SERPINE2: variants seen among roughly 807,000 people sequenced by gnomAD.
SERPINE2 encodes the protein serpin family E member 2, also known as glia-derived nexin.
Under a neutral mutation model 36.3 loss-of-function variants are expected in SERPINE2, and 14 were observed. The ratio of observed to expected loss-of-function variants is 0.39; its 90% confidence interval spans 0.25 to 0.60. The LOEUF (loss-of-function observed/expected upper bound fraction) is 0.60, where lower values mean the gene tolerates loss of function less well. Ranked by LOEUF, SERPINE2 falls within the 20% of genes least tolerant of loss-of-function variation. SERPINE2 has a pLI of 0.57. For missense variants in SERPINE2, 418 were observed against 499.6 expected, an observed-to-expected ratio of 0.84 and a Z score of 1.56; for synonymous variants, 192 against 191.8, an observed-to-expected ratio of 1.00 and a Z score of -0.01.
At chr2:223,983,094 A>C (rs760319874) in intron 5 of SERPINE2, among the ~76,000 whole-genome samples, 4 of 152,170 alleles carry the variant, frequency 2.6e-5, no homozygotes, top group Admixed American at 6.5e-5. Context: ...ACTGACGTGG[A>C]GGTTGAGTGT....
chr2:224,030,770 T>C (rs756024510), intron 1 of SERPINE2: 7 of 164,852 alleles, frequency 4.2e-5, no homozygotes, highest in Non-Finnish European at 8.8e-5. Flanking sequence ...ATTAGGCATG[T>C]TTGAAAAGTC....
chr2:223,990,389 T>C (rs1690616311), intron 4 of SERPINE2, among the ~76,000 whole-genome samples: 1 of 152,220 alleles, frequency 6.6e-6, no homozygotes. Context: ...TACCCTGACA[T>C]GTAACTCTCT....
chr2:224,033,792 A>C (rs1435246760), intron 1 of SERPINE2, among the ~76,000 whole-genome samples: 1 of 152,234 alleles, frequency 6.6e-6, no homozygotes, highest in East Asian at 1.9e-4. Context: ...ACAGACCTCA[A>C]GGAGGGCAGA....
In SERPINE2 at chr2:223,991,834, T is replaced by G; in HGVS notation, c.654A>C (p.Pro218=). The G allele has an allele frequency of 3.1e-6, 5 of 1,613,992 alleles. No individual in the cohort carries two copies. Among genetic ancestry groups the G allele is most frequent in the Non-Finnish European group, 4.2e-6 (5 of 1,179,998 alleles). The stretch of plus-strand genomic sequence containing the variant: ...GGAACACGGAGAGCTGGGCCAGCAT[T>G]GGCACTTGATAGGATTTCCCGTCGG... ...VAADGKSYQV[P]MLAQLSVFRC... is the part of the protein sequence containing the mutation. The change falls in exon 4 of 9, where the codon CCA becomes CCC. Residue 218 remains proline (P), a synonymous_variant. Coordinates refer to ENST00000409304, the MANE Select transcript of SERPINE2 (RefSeq NM_001136528.2).
At chr2:224,011,197 G>A (rs1359270122) in intron 1 of SERPINE2, among the ~76,000 whole-genome samples, 3 of 152,136 alleles carry the variant, frequency 2.0e-5, no homozygotes, top group Non-Finnish European at 4.4e-5. Context: ...GGTCCAAATG[G>A]CTGATTTCCT....
chr2:224,003,418 A>T (rs377113157), intron 1 of SERPINE2, among the ~76,000 whole-genome samples: 3 of 152,356 alleles, frequency 2.0e-5, no homozygotes, highest in South Asian at 4.1e-4. Context: ...TATAACCACA[A>T]GCGCTTGATT....
At chr2:224,033,654 T>C (rs1237590960) in intron 1 of SERPINE2, among the ~76,000 whole-genome samples, 1 of 124,640 alleles carries the variant, frequency 8.0e-6, no homozygotes, top group African/African-American at 2.8e-5. Context: ...GCCAAAAAAG[T>C]TCCATGGCAA....
In SERPINE2 at chr2:224,039,099, C is replaced by T. The variant is rs548944153; in HGVS notation, c.-23G>A. On this transcript the variant is annotated splice_region_variant and 5_prime_UTR_variant, in exon 1 of 9. Coordinates refer to ENST00000409304, the MANE Select transcript of SERPINE2 (RefSeq NM_001136528.2). The surrounding 1 kb of genome is among the most constrained non-coding windows in gnomAD (Gnocchi z 5.2). ...GACTCACCGCGCAGCCTGTACTCAC[C>T]GCGCTCGCTGGATCCCCAGGGGGCG... 1 of 151,144 alleles carries T rather than the reference C, an allele frequency of 6.6e-6. No individual in the cohort carries two copies. The highest frequency in any genetic ancestry group is 2.1e-4 in the South Asian group (1 of 4,824). 9.4% of individuals were successfully genotyped at this position (151,144 alleles called of 1,614,324 possible).
intron 1 of SERPINE2, among the ~76,000 whole-genome samples, chr2:224,021,250 G>A (rs1361212422): frequency 6.6e-6 from 1 of 152,150 alleles, no homozygotes; most frequent in Non-Finnish European, 1.5e-5. Context: ...GGTGAAGAAA[G>A]AAAGGGTGCC....
chr2:223,980,462 A>T, intron 6 of SERPINE2, 65 bp from the exon 7 acceptor site: 1 of 1,393,946 alleles, frequency 7.2e-7, no homozygotes, highest in Non-Finnish European at 1.0e-6. Flanking sequence ...TTGGTTGGGG[A>T]AGTAACCTCA....
At chr2:224,028,216 C>T (rs1418828032) in intron 1 of SERPINE2, among the ~76,000 whole-genome samples, 3 of 152,174 alleles carry the variant, frequency 2.0e-5, no homozygotes, top group Non-Finnish European at 2.9e-5. Context: ...CACAGCCCTG[C>T]CTTTGCCAAG....
At position 223,984,765 on chromosome 2, in the gene SERPINE2, C is replaced by G; in HGVS notation, c.871G>C (p.Val291Leu). ...GGGGCCACTTACTTGGGCAGGATCA[C>G]CTGCACCCTCTTGGGCACCATGATG... ...MSIMVPKRVQ[V>L]ILPKFTAVAQ... Residue 291 changes from valine (V) to leucine (L), a missense_variant, in exon 5 of 9, where the codon GTG becomes CTG. Transcript: ENST00000409304. 1 of 1,612,574 alleles carries G rather than the reference C, an allele frequency of 6.2e-7. No homozygotes were observed. Among genetic ancestry groups the G allele is most frequent in the Non-Finnish European group, 8.5e-7 (1 of 1,179,808 alleles).
chr2:224,023,113 A>C (rs572208424), intron 1 of SERPINE2, among the ~76,000 whole-genome samples: 11 of 152,206 alleles, frequency 7.2e-5, no homozygotes, highest in African/African-American at 2.4e-4. Flanking sequence ...CAAGGTGAGA[A>C]CAGACTAATA....
At chr2:223,987,191 T>C (rs1014094145) in intron 4 of SERPINE2, among the ~76,000 whole-genome samples, 3 of 152,200 alleles carry the variant, frequency 2.0e-5, no homozygotes, top group Non-Finnish European at 2.9e-5. Context: ...TGAAAATTCA[T>C]TGAGACAACA....
chr2:223,977,622 T>A lies in SERPINE2; in HGVS notation c.1078A>T (p.Ile360Phe). 1 of 1,611,356 alleles carries A rather than the reference T, an allele frequency of 6.2e-7. No individual in the cohort carries two copies. Among genetic ancestry groups the A allele is most frequent in the Non-Finnish European group, 8.5e-7 (1 of 1,177,538 alleles). Residue 360 changes from isoleucine to phenylalanine, a missense_variant, in exon 8 of 9, where the codon ATT becomes TTT. By Grantham distance (21) the Ile-to-Phe change is conservative. Transcript: ENST00000409304. ...GGAGGCGATGATCTTGCAATGAGAA[T>A]TGCAGCTACGGGAAGAAAAGGAAAA... ...GTKASAATTA[I>F]LIARSSPPWF...
chr2:224,024,087 T>G (rs1435812903), intron 1 of SERPINE2, among the ~76,000 whole-genome samples: 11 of 152,162 alleles, frequency 7.2e-5, no homozygotes, highest in Admixed American at 6.5e-4. Flanking sequence ...AATAAAAATA[T>G]ATGTATCTGT....
In SERPINE2 at chr2:223,975,746, A is replaced by G; in HGVS notation, c.*121T>C. 2 of 761,928 alleles carry G rather than the reference A, an allele frequency of 2.6e-6. No individual in the cohort carries two copies. The highest frequency in any genetic ancestry group is 4.2e-6 in the Non-Finnish European group (2 of 479,276). 47.2% of individuals were successfully genotyped at this position (761,928 alleles called of 1,614,324 possible). A position where few individuals can be genotyped will look rare whatever the true frequency, so the allele number is the denominator to read the frequency against. ...ACTTGCATCGAGTCTGTTCCTAAGAACTAGTTTTGAAAAAGAAGCGATGTA... is the reference window on the plus strand; with the variant it reads ...ACTTGCATCGAGTCTGTTCCTAAGAGCTAGTTTTGAAAAAGAAGCGATGTA... On this transcript the variant is annotated 3_prime_UTR_variant, in exon 9 of 9. Coordinates refer to ENST00000409304, the MANE Select transcript of SERPINE2 (RefSeq NM_001136528.2).
intron 3 of SERPINE2, among the ~76,000 whole-genome samples, chr2:223,993,047 C>T (rs1409199746): frequency 6.6e-6 from 1 of 152,116 alleles, no homozygotes; most frequent in South Asian, 2.1e-4. Context: ...GTCGCCCGAG[C>T]CCAGGAGTTC....
intron 1 of SERPINE2, among the ~76,000 whole-genome samples, chr2:224,017,173 G>A (rs1052327234): frequency 4.6e-5 from 7 of 152,310 alleles, no homozygotes; most frequent in African/African-American, 1.7e-4. Flanking sequence ...TGTGATGTCA[G>A]TTTCCTGGTT....
Sources: allele counts gnomAD v4.1 joint callset (sites outside exome capture counted in the v4.1 genomes callset), GRCh38; gene constraint gnomAD v4.1.1; non-coding constraint Gnocchi (gnomAD v3.1); transcripts MANE v1.5; gene names NCBI Gene and HGNC (gene_info 2026-07-23, HGNC 2026-07-21).